DOCK3: variants seen among roughly 807,000 people sequenced by gnomAD.
The protein encoded by DOCK3 is dedicator of cytokinesis 3.
In DOCK3, 60 loss-of-function variants were observed where a neutral mutation model predicts 265.6. That is an observed-to-expected ratio of 0.23 (90% CI 0.18 to 0.28). The LOEUF (loss-of-function observed/expected upper bound fraction) is 0.28, where lower values mean the gene tolerates loss of function less well. DOCK3 is among the 10% of genes least tolerant of loss of function. The pLI, the probability that DOCK3 is intolerant of heterozygous loss-of-function variation, is 1.00. For missense variants in DOCK3, 1,981 were observed against 2,594.3 expected (o/e 0.76, Z 5.14); for synonymous variants, 881 against 938.0 (o/e 0.94, Z 1.11).
intron 5 of DOCK3, among the ~76,000 whole-genome samples, chr3:50,949,178 TA>T (rs1042014215): frequency 6.6e-6 from 1 of 151,222 alleles, no homozygotes; most frequent in East Asian, 1.9e-4. Flanking sequence ...TTGGACTCTA[TA>T]AAAAAAAACT....
At chr3:51,313,388 G>A (rs2083201823) in intron 31 of DOCK3, among the ~76,000 whole-genome samples, 1 of 152,212 alleles carries the variant, frequency 6.6e-6, no homozygotes, top group Non-Finnish European at 1.5e-5. Flanking sequence ...GTTGCATGGA[G>A]TAACATATAA....
chr3:51,058,413 A>T (rs919803475), intron 5 of DOCK3, among the ~76,000 whole-genome samples: 18 of 152,108 alleles, frequency 1.2e-4, no homozygotes, highest in Non-Finnish European at 2.2e-4. Context: ...ACTCTTGATT[A>T]AAAAAAACCA....
At chr3:51,368,100 C>T (rs897096155) in intron 49 of DOCK3, among the ~76,000 whole-genome samples, 2 of 152,264 alleles carry the variant, frequency 1.3e-5, no homozygotes, top group Admixed American at 6.5e-5. Flanking sequence ...CAATTTGGTT[C>T]CATTCTCCCC....
chr3:51,207,857 G>A (rs930111755), intron 12 of DOCK3, among the ~76,000 whole-genome samples: 1 of 152,060 alleles, frequency 6.6e-6, no homozygotes. Flanking sequence ...AACCAACAGG[G>A]GACGGGGTAG....
At chr3:51,067,427 T>TTTTGTGTGTG (rs139334124) in intron 6 of DOCK3, among the ~76,000 whole-genome samples, 4 of 144,204 alleles carry the variant, frequency 2.8e-5, no homozygotes, top group African/African-American at 5.3e-5. Context: ...TGAAATATGT[T>TTTTGTGTGTG]TGTGTGTGTG....
chr3:50,881,498 G>C (rs997261396), intron 3 of DOCK3, among the ~76,000 whole-genome samples: 2 of 152,190 alleles, frequency 1.3e-5, no homozygotes. Context: ...CAAATCATGA[G>C]TGAACTCCCA....
rs191284549 is a variant in DOCK3 at position 50,952,864 on chromosome 3, G to T, written c.315+18787G>T. Among the ~76,000 whole-genome samples the T allele has an allele frequency of 1.1e-4, 16 of 152,204 alleles. 1 individual carries two copies. The East Asian group carries it at 2.9e-3, about 28-fold the overall frequency. On this transcript the variant is annotated intron_variant, in intron 5 of 52. Coordinates refer to ENST00000266037, the MANE Select transcript of DOCK3 (RefSeq NM_004947.5). ...AGCTGAGACAAGAGCCAGTATGTTGGGTTATTGTGAAGATAAATAACAAAT... is the reference window on the plus strand; with the variant it reads ...AGCTGAGACAAGAGCCAGTATGTTGTGTTATTGTGAAGATAAATAACAAAT...
intron 5 of DOCK3, among the ~76,000 whole-genome samples, chr3:50,952,884 A>G (rs1284158648): frequency 6.6e-6 from 1 of 152,172 alleles, no homozygotes; most frequent in Non-Finnish European, 1.5e-5. Flanking sequence ...AAGATAAATA[A>G]CAAATAAATA....
chr3:51,190,509 C>T (rs1220826073), intron 12 of DOCK3, among the ~76,000 whole-genome samples: 3 of 152,124 alleles, frequency 2.0e-5, no homozygotes, highest in Admixed American at 1.3e-4. Flanking sequence ...CCTGGTTAGC[C>T]GGGGTGGTGC....
At chr3:50,734,971 C>T (rs2038493938) in intron 1 of DOCK3, among the ~76,000 whole-genome samples, 2 of 152,308 alleles carry the variant, frequency 1.3e-5, no homozygotes, top group African/African-American at 4.8e-5. Context: ...CTTTGAAGCA[C>T]TCCCTTTAGC....
At chr3:50,724,807 C>T (rs2037711434) in intron 1 of DOCK3, among the ~76,000 whole-genome samples, 1 of 152,024 alleles carries the variant, frequency 6.6e-6, no homozygotes, top group Admixed American at 6.6e-5. Flanking sequence ...GCACGTTGTG[C>T]ACATGTACCC....
chr3:50,889,109 GTGTT>G (rs1485235832), intron 3 of DOCK3, among the ~76,000 whole-genome samples: 2 of 146,800 alleles, frequency 1.4e-5, no homozygotes, highest in Admixed American at 6.8e-5. Flanking sequence ...GTGTGTGTGT[GTGTT>G]TAAGACAGGT....
At chr3:50,787,112 A>C in intron 2 of DOCK3, 1 of 707,084 alleles carries the variant, frequency 1.4e-6, no homozygotes, top group South Asian at 1.4e-5. Context: ...TATTACAGGC[A>C]ACAAACTAAA....
intron 2 of DOCK3, among the ~76,000 whole-genome samples, chr3:50,781,295 G>T (rs1159978753): frequency 4.1e-5 from 6 of 147,292 alleles, no homozygotes; most frequent in African/African-American, 1.2e-4. Flanking sequence ...TGGAGACAGG[G>T]TCTCATTCTG....
intron 1 of DOCK3, among the ~76,000 whole-genome samples, chr3:50,678,849 G>A (rs964437609): frequency 2.6e-5 from 4 of 151,010 alleles, no homozygotes; most frequent in African/African-American, 9.8e-5. Flanking sequence ...TTGCTCTGTC[G>A]TCCAGGCTGG....
chr3:51,379,530 G>A lies in DOCK3; in HGVS notation c.5501-595G>A, dbSNP rs1469381979. 16 of 985,460 alleles carry A rather than the reference G, an allele frequency of 1.6e-5. No homozygotes were observed. The South Asian group carries it at 3.3e-4, about 20-fold the overall frequency. The allele number at this position is 985,460 out of a possible 1,614,324, so 61.0% of individuals were successfully genotyped here. A position where few individuals can be genotyped will look rare whatever the true frequency, so the allele number is the denominator to read the frequency against. On this transcript the variant is annotated intron_variant, in intron 51 of 52. Coordinates refer to ENST00000266037, the MANE Select transcript of DOCK3 (RefSeq NM_004947.5). ...CCCTTCCTGTCTGCCCATATGGGGCGCATCCTGGCCCCCCCAGTGCCTCCC... is the reference window on the plus strand; with the variant it reads ...CCCTTCCTGTCTGCCCATATGGGGCACATCCTGGCCCCCCCAGTGCCTCCC...
intron 1 of DOCK3, among the ~76,000 whole-genome samples, chr3:50,758,765 C>G (rs2040350520): frequency 6.6e-6 from 1 of 152,114 alleles, no homozygotes; most frequent in Non-Finnish European, 1.5e-5. Context: ...ACAGATACTC[C>G]TTCTCTTTTG....
At chr3:51,352,467 A>G (rs928900542) in intron 40 of DOCK3, among the ~76,000 whole-genome samples, 1 of 152,226 alleles carries the variant, frequency 6.6e-6, no homozygotes, top group Non-Finnish European at 1.5e-5. Context: ...GACCTGGCAT[A>G]AAACCTGCAT....
At chr3:50,888,688 G>A (rs1029797479) in intron 3 of DOCK3, among the ~76,000 whole-genome samples, 4 of 152,200 alleles carry the variant, frequency 2.6e-5, no homozygotes, top group Admixed American at 1.3e-4. Flanking sequence ...ACAGAACAGA[G>A]CCCTCAGAAA....
Sources: gnomAD v4.1 joint callset for allele counts (sites outside exome capture counted in the v4.1 genomes callset) on GRCh38, gnomAD v4.1.1 for gene constraint, MANE v1.5 for transcripts, NCBI Gene and HGNC (gene_info 2026-07-23, HGNC 2026-07-21) for gene names.